DOCK9: variants seen among roughly 807,000 people sequenced by gnomAD.
The protein encoded by DOCK9 is dedicator of cytokinesis 9.
In DOCK9, 89 loss-of-function variants were observed where a neutral mutation model predicts 263.3. The observed-to-expected ratio is 0.34, with a 90% CI of 0.28 to 0.40. The LOEUF (loss-of-function observed/expected upper bound fraction) is 0.40. DOCK9 is among the 10% of genes least tolerant of loss of function. The pLI, the probability that DOCK9 is intolerant of heterozygous loss-of-function variation, is 1.00. For synonymous variants in DOCK9, 976 were observed against 973.1 expected (o/e 1.00, Z -0.06); for missense variants, 2,140 against 2,603.4 (o/e 0.82, Z 3.87).
intron 9 of DOCK9, among the ~76,000 whole-genome samples, chr13:98,913,109 C>T (rs1595248059): frequency 6.6e-6 from 1 of 152,204 alleles, no homozygotes; most frequent in Admixed American, 6.5e-5. Flanking sequence ...AAAAACAATG[C>T]TCTAAAGCCC....
chr13:99,068,382 A>C (rs564577202), intron 1 of DOCK9, among the ~76,000 whole-genome samples: 55 of 152,318 alleles, frequency 3.6e-4, no homozygotes, highest in African/African-American at 1.3e-3. Context: ...CAGAAGTTTG[A>C]AACCAGCCTG....
At position 98,888,370 on chromosome 13, in the gene DOCK9, G is replaced by C; in HGVS notation, c.1967C>G (p.Ser656Cys). 6.2e-7 allele frequency: 1 copy of C among 1,612,878 alleles called. No individual in the cohort carries two copies. Among genetic ancestry groups the C allele is most frequent in the South Asian group, 1.1e-5 (1 of 90,854 alleles). The change falls in exon 17 of 53, where the codon TCT becomes TGT. Residue 656 changes from serine to cysteine, a missense_variant. Around this residue, in one of 2 missense-constraint regions of DOCK9, gnomAD observed 1,521 missense variants for 1,741.7 expected, o/e 0.87. Coordinates refer to ENST00000682017, the MANE Select transcript of DOCK9 (RefSeq NM_001366683.2). ...CATCTTCACACTCACCTTGGCAAAA[G>C]ACTTCTGACTGTCGTATTTCAAGTA... ...PKYLKYDSQK[S>C]FAKARNIAIC...
chr13:98,906,805 C>A (rs192746867), intron 9 of DOCK9, among the ~76,000 whole-genome samples: 32 of 152,290 alleles, frequency 2.1e-4, no homozygotes, highest in African/African-American at 7.7e-4. Context: ...CACCAGAATA[C>A]TAAGAAACTG....
At chr13:98,987,202 T>C (rs752466375) in intron 1 of DOCK9, among the ~76,000 whole-genome samples, 10 of 152,178 alleles carry the variant, frequency 6.6e-5, no homozygotes, top group Non-Finnish European at 1.0e-4. Context: ...GTGATAAATA[T>C]TAGCTTGATA....
rs2048539380 is a variant in DOCK9 at position 98,903,101 on chromosome 13, G to T, written c.1047C>A (p.Phe349Leu). The T allele has an allele frequency of 6.6e-7, 1 of 1,507,310 alleles. No individual in the cohort carries two copies. The highest frequency in any genetic ancestry group is 8.8e-7 in the Non-Finnish European group (1 of 1,133,408). 93.4% of individuals were successfully genotyped at this position (1,507,310 alleles called of 1,614,324 possible). A position where few individuals can be genotyped will look rare whatever the true frequency, so the allele number is the denominator to read the frequency against. The change falls in exon 11 of 53, where the codon TTC becomes TTA. Residue 349 changes from phenylalanine (F) to leucine (L), a missense_variant. Phe to Leu is a conservative substitution (Grantham distance 22). Transcript: ENST00000682017. ...YLDPDAQKLD[F>L]SSAEPEVKSF... is the part of the protein sequence containing the mutation. ...ACTTCACTTCTGGCTCAGCTGATGA[G>T]AAGTCAAGCTTCTTTAAAAGAAAAT... is the stretch of plus-strand genomic sequence containing the variant.
chr13:99,068,881 T>C (rs754265917), intron 1 of DOCK9, among the ~76,000 whole-genome samples: 3 of 152,182 alleles, frequency 2.0e-5, no homozygotes, highest in Non-Finnish European at 2.9e-5. Context: ...ATACTATAAA[T>C]ATTATGGCAC....
At chr13:98,941,023 G>A (rs1189509321) in intron 2 of DOCK9, among the ~76,000 whole-genome samples, 3 of 152,040 alleles carry the variant, frequency 2.0e-5, no homozygotes, top group Non-Finnish European at 4.4e-5. Context: ...AACTTTTCTG[G>A]ACTCTTCTGC....
upstream of DOCK9, among the ~76,000 whole-genome samples, chr13:99,087,597 A>G (rs1252376547): frequency 4.0e-5 from 6 of 151,896 alleles, no homozygotes; most frequent in African/African-American, 1.2e-4. Context: ...TCCTGTCCCT[A>G]AGGGCCCGCT....
chr13:98,856,430 A>G (rs530812386), intron 33 of DOCK9: 1 of 158,958 alleles, frequency 6.3e-6, no homozygotes, highest in South Asian at 1.8e-4. Context: ...GAGCCTACCC[A>G]ACTCTGAGGG....
At chr13:99,040,625 A>G (rs2142124841) in intron 1 of DOCK9, among the ~76,000 whole-genome samples, 1 of 152,354 alleles carries the variant, frequency 6.6e-6, no homozygotes, top group Non-Finnish European at 1.5e-5. Flanking sequence ...TCAAAATGTC[A>G]TTCACCAAAC....
At chr13:98,987,706 T>G (rs1002345579) in intron 1 of DOCK9, among the ~76,000 whole-genome samples, 1 of 152,226 alleles carries the variant, frequency 6.6e-6, no homozygotes, top group African/African-American at 2.4e-5. Flanking sequence ...TCAGTTCAAT[T>G]TAACCCTCGA....
At chr13:99,026,747 T>C (rs1435024130) in intron 1 of DOCK9, among the ~76,000 whole-genome samples, 1 of 146,652 alleles carries the variant, frequency 6.8e-6, no homozygotes, top group Non-Finnish European at 1.5e-5. Context: ...AGAGGAGGGA[T>C]GGAAAAAGGT....
chr13:98,921,320 C>T (rs866198160), intron 6 of DOCK9, among the ~76,000 whole-genome samples: 3 of 152,164 alleles, frequency 2.0e-5, no homozygotes, highest in South Asian at 2.1e-4. Flanking sequence ...TTCTCACCCA[C>T]GGAATCAGAG....
intron 27 of DOCK9, among the ~76,000 whole-genome samples, chr13:98,871,226 G>A (rs1202621762): frequency 6.6e-6 from 1 of 152,170 alleles, no homozygotes; most frequent in African/African-American, 2.4e-5. Context: ...ATACTACAAG[G>A]TAAAAATGTG....
intron 1 of DOCK9, among the ~76,000 whole-genome samples, chr13:99,031,057 C>CA (rs531193397): frequency 3.3e-4 from 49 of 146,982 alleles, no homozygotes; most frequent in Admixed American, 4.7e-4. Flanking sequence ...TAAATTATCT[C>CA]AAAAAAAAAA....
At chr13:98,794,917 A>G (rs1380053033) in intron 52 of DOCK9, among the ~76,000 whole-genome samples, 169 bp from the exon 53 acceptor site, 2 of 152,186 alleles carry the variant, frequency 1.3e-5, no homozygotes, top group African/African-American at 2.4e-5. Context: ...GCAAGCAGAT[A>G]TTTCTCAATG....
At chr13:98,859,194 G>A (rs879818984) in intron 33 of DOCK9, 1 of 152,224 alleles carries the variant, frequency 6.6e-6, no homozygotes, top group Non-Finnish European at 1.5e-5. Context: ...GCTGGGAATG[G>A]GGCAAAGCAG....
intron 1 of DOCK9, among the ~76,000 whole-genome samples, chr13:99,020,608 TTC>T (rs1300649854): frequency 2.6e-5 from 4 of 152,232 alleles, no homozygotes; most frequent in Admixed American, 2.6e-4. Flanking sequence ...TTTGCTGACT[TTC>T]TGTTTTAAAT....
Position 98,825,025 on chromosome 13 carries a change from A to G in DOCK9, c.5024-521T>C, listed in dbSNP as rs2092466328. Among the ~76,000 whole-genome samples the G allele has an allele frequency of 6.6e-6, 1 of 152,210 alleles. No homozygotes were observed. Among genetic ancestry groups the G allele is most frequent in the Admixed American group, 6.5e-5 (1 of 15,288 alleles). ...TAGCTTCGTAGCCATAATGGTGAGC[A>G]GACAGGCTGCCTTAGCTGGTTCCCA... On this transcript the variant is annotated intron_variant, in intron 44 of 52. Coordinates refer to ENST00000682017, the MANE Select transcript of DOCK9 (RefSeq NM_001366683.2). This position sits in a 1 kb window ranked among gnomAD's most constrained non-coding sequence, Gnocchi z 4.1.
Sources: allele counts gnomAD v4.1 joint callset (sites outside exome capture counted in the v4.1 genomes callset), GRCh38; gene constraint gnomAD v4.1.1; regional missense constraint gnomAD v4.1.1; non-coding constraint Gnocchi (gnomAD v3.1); transcripts MANE v1.5; gene names NCBI Gene and HGNC (gene_info 2026-07-23, HGNC 2026-07-21).